The following DBF4B variants were observed in gnomAD, a reference collection of about 807,000 sequenced individuals.
DBF4B encodes the protein DBF4B-CDC7 kinase regulatory subunit.
In DBF4B, 49 loss-of-function variants were observed where a neutral mutation model predicts 53.4. That is an observed-to-expected ratio of 0.92 (90% CI 0.73 to 1.16). The LOEUF is 1.16. DBF4B is among the 50% of genes most tolerant of loss of function. The pLI, the probability that DBF4B is intolerant of heterozygous loss-of-function variation, is 0.00. For synonymous variants in DBF4B, 257 were observed against 288.7 expected (o/e 0.89, Z 1.11); for missense variants, 692 against 775.0 (o/e 0.89, Z 1.27).
Position 44,747,532 on chromosome 17 carries a change from C to G in DBF4B, c.1064+17C>G. 2 of 1,612,846 alleles carry G rather than the reference C, an allele frequency of 1.2e-6. No individual in the cohort carries two copies. The highest frequency in any genetic ancestry group is 1.7e-6 in the Non-Finnish European group (2 of 1,179,830). ...CCTCCCCAGGTGAGTGCCACGCTGGCAGGCACAACTGTGTCTGCTCTCTCC... is the reference window on the plus strand; with the variant it reads ...CCTCCCCAGGTGAGTGCCACGCTGGGAGGCACAACTGTGTCTGCTCTCTCC... On this transcript the variant is annotated intron_variant, in intron 12 of 13. Transcript: ENST00000315005.
intron 9 of DBF4B, among the ~76,000 whole-genome samples, chr17:44,739,327 T>C (rs1192796430): frequency 2.0e-5 from 3 of 152,238 alleles, no homozygotes; most frequent in East Asian, 1.9e-4. Context: ...AGGAAATAAG[T>C]CCATGTGTAT....
intron 10 of DBF4B, 41 bp downstream of exon 10, chr17:44,741,493 G>A (rs1184581828): frequency 5.0e-6 from 7 of 1,387,140 alleles, no homozygotes; most frequent in African/African-American, 1.4e-5. Flanking sequence ...GCTGGTTACA[G>A]GCCAAAGTCC....
intron 3 of DBF4B, among the ~76,000 whole-genome samples, chr17:44,727,153 C>T (rs887254966): frequency 1.4e-5 from 2 of 143,762 alleles, no homozygotes; most frequent in African/African-American, 5.1e-5. Flanking sequence ...GGCTCAGTGG[C>T]TCGTGCCTGT....
At chr17:44,736,347 G>T (rs1975430685) in intron 7 of DBF4B, among the ~76,000 whole-genome samples, 1 of 152,062 alleles carries the variant, frequency 6.6e-6, no homozygotes, top group Admixed American at 6.6e-5. Context: ...TGACCCACAG[G>T]ATCAGAGTAC....
At chr17:44,737,887 G>GGTCC (rs1265444359) in intron 8 of DBF4B, among the ~76,000 whole-genome samples, 3 of 152,066 alleles carry the variant, frequency 2.0e-5, no homozygotes, top group Non-Finnish European at 2.9e-5. Flanking sequence ...AAAAACCCAG[G>GGTCC]GTCCTCCTGG....
rs1237293432 is a variant in DBF4B at position 44,749,008 on chromosome 17, G to A, written c.1189+543G>A. The stretch of plus-strand genomic sequence containing the variant: ...GAAAGGGTGGCCCCCAGGGCCTGAG[G>A]ATTCTGAGTGTACAGCCACTGGCCC... On this transcript the variant is annotated intron_variant, in intron 13 of 13. Coordinates refer to ENST00000315005, the MANE Select transcript of DBF4B (RefSeq NM_145663.3). The surrounding 1 kb of genome is among the most constrained non-coding windows in gnomAD (Gnocchi z 4.4). 1 of 1,289,860 alleles carries A rather than the reference G, an allele frequency of 7.8e-7. No individual in the cohort carries two copies. The highest frequency in any genetic ancestry group is 2.3e-5 in the Admixed American group (1 of 43,576). 79.9% of individuals were successfully genotyped at this position (1,289,860 alleles called of 1,614,324 possible).
intron 13 of DBF4B, chr17:44,748,744 G>A (rs1216366292): frequency 7.4e-7 from 1 of 1,352,930 alleles, no homozygotes; most frequent in Non-Finnish European, 9.7e-7. Context: ...GAAGAGAGTG[G>A]GGGCCTCCTG....
At chr17:44,733,316 A>G (rs1400447015) in intron 6 of DBF4B, among the ~76,000 whole-genome samples, 1 of 152,252 alleles carries the variant, frequency 6.6e-6, no homozygotes, top group East Asian at 1.9e-4. Flanking sequence ...TGGTCTCACC[A>G]GAGTGTGTAG....
chr17:44,708,781 T>C lies in DBF4B; in HGVS notation c.-40T>C. The C allele has an allele frequency of 1.9e-6, 3 of 1,548,810 alleles. No individual in the cohort carries two copies. On this transcript the variant is annotated 5_prime_UTR_variant, in exon 1 of 14. Coordinates refer to ENST00000315005, the MANE Select transcript of DBF4B (RefSeq NM_145663.3). The stretch of plus-strand genomic sequence containing the variant: ...CTCGCGAATGTAATACGGAGGCCTC[T>C]GAGGAAGGAGTACGGAGGCCGAGAA...
At chr17:44,729,713 CACACACACACA>C (rs1225961555) in intron 3 of DBF4B, among the ~76,000 whole-genome samples, 181 bp from the exon 4 acceptor site, 10 of 151,176 alleles carry the variant, frequency 6.6e-5, no homozygotes, top group African/African-American at 2.5e-4. Flanking sequence ...CACACACACA[CACACACACACA>C]CACCCCATTA....
Position 44,750,847 on chromosome 17 carries a change from A to G in DBF4B, c.1442A>G (p.Asn481Ser). The G allele has an allele frequency of 1.9e-6, 3 of 1,611,056 alleles. No individual in the cohort carries two copies. Among genetic ancestry groups the G allele is most frequent in the Non-Finnish European group, 1.7e-6 (2 of 1,179,128 alleles). The change falls in exon 14 of 14, where the codon AAC becomes AGC. Residue 481 changes from asparagine (N) to serine (S), a missense_variant. Asn to Ser is a conservative substitution (Grantham distance 46). Around this residue, in one of 3 missense-constraint regions of DBF4B, gnomAD observed 597 missense variants for 665.8 expected, o/e 0.90. Transcript: ENST00000315005. The part of the protein sequence containing the change: ...EDMPLHPSQE[N>S]SFAPADIPVK... ...ATGCCCCTCCATCCCTCCCAAGAAA[A>G]CTCCTTTGCCCCGGCGGACATTCCT... is the stretch of plus-strand genomic sequence containing the variant.
At chr17:44,734,208 T>C (rs1490655773) in intron 7 of DBF4B, 45 bp downstream of exon 7, 4 of 1,613,148 alleles carry the variant, frequency 2.5e-6, no homozygotes, top group Non-Finnish European at 1.7e-6. Context: ...TGGTTTTCAA[T>C]GAAATCAGTG....
chr17:44,729,677 TACACATACACACACACACAC>T (rs1974652983), intron 3 of DBF4B, among the ~76,000 whole-genome samples: 1 of 100,404 alleles, frequency 1.0e-5, no homozygotes, highest in African/African-American at 3.9e-5. Context: ...AAACCTGTAA[TACACATACACACACACACAC>T]ACACACACAC....
At chr17:44,711,055 G>C (rs1241095729) in intron 2 of DBF4B, among the ~76,000 whole-genome samples, 1 of 137,574 alleles carries the variant, frequency 7.3e-6, no homozygotes, top group Non-Finnish European at 1.5e-5. Flanking sequence ...GCACCATCTC[G>C]GCTCACTGCA....
chr17:44,722,731 G>T, intron 2 of DBF4B, 149 bp from the exon 3 acceptor site: 1 of 801,582 alleles, frequency 1.2e-6, no homozygotes, highest in Non-Finnish European at 2.0e-6. Context: ...GCTTCTGAGG[G>T]TAAGGGCATT....
At position 44,747,498 on chromosome 17, in the gene DBF4B, C is replaced by T; in HGVS notation, c.1047C>T (p.Phe349=). Residue 349 remains phenylalanine, a synonymous_variant, in exon 12 of 14, where the codon TTC becomes TTT. Coordinates refer to ENST00000315005, the MANE Select transcript of DBF4B (RefSeq NM_145663.3). ...QLSHSFADIP[F]QAGLPRWSGS... is the part of the protein sequence containing the mutation. ...GCCACAGCTTTGCAGACATCCCTTTCCAGGCTGGCCTCCCCAGGTGAGTGC... is the reference window on the plus strand; with the variant it reads ...GCCACAGCTTTGCAGACATCCCTTTTCAGGCTGGCCTCCCCAGGTGAGTGC... 3 of 1,613,988 alleles carry T rather than the reference C, an allele frequency of 1.9e-6. No homozygotes were observed. The highest frequency in any genetic ancestry group is 2.5e-6 in the Non-Finnish European group (3 of 1,180,032).
At chr17:44,748,718 C>G in intron 13 of DBF4B, 2 of 1,390,004 alleles carry the variant, frequency 1.4e-6, no homozygotes, top group South Asian at 2.4e-5. Context: ...GTTCAGTTCC[C>G]CAGTGGCAGT....
chr17:44,720,108 T>A (rs960075395), intron 2 of DBF4B: 4 of 278,798 alleles, frequency 1.4e-5, no homozygotes, highest in African/African-American at 9.1e-5. Flanking sequence ...GACCAGCTGC[T>A]TCAGGAAAAC....
intron 3 of DBF4B, among the ~76,000 whole-genome samples, chr17:44,725,561 C>A (rs960236005): frequency 5.3e-5 from 8 of 151,974 alleles, no homozygotes; most frequent in Non-Finnish European, 7.4e-5. Flanking sequence ...AAAAAGGAAA[C>A]CCTGTACCCA....
Sources: allele counts gnomAD v4.1 joint callset (sites outside exome capture counted in the v4.1 genomes callset), GRCh38; gene constraint gnomAD v4.1.1; regional missense constraint gnomAD v4.1.1; non-coding constraint Gnocchi (gnomAD v3.1); transcripts MANE v1.5; gene names NCBI Gene and HGNC (gene_info 2026-07-23, HGNC 2026-07-21).